Variants in FARSA observed in about 807,000 individuals in gnomAD.
The protein encoded by FARSA is phenylalanine--tRNA ligase alpha subunit.
A neutral mutation model predicts 63.2 loss-of-function variants in FARSA; 37 were observed. That is an observed-to-expected ratio of 0.59 (90% CI 0.45 to 0.77). The LOEUF (loss-of-function observed/expected upper bound fraction) is 0.77. Ranked by LOEUF, FARSA falls within the 30% of genes least tolerant of loss-of-function variation. The pLI is 0.00. For missense variants in FARSA, 618 were observed against 696.6 expected (o/e 0.89, Z 1.27); for synonymous variants, 312 against 285.1 (o/e 1.09, Z -0.95).
chr19:12,929,851 T>G (rs1030536423), intron 4 of FARSA, among the ~76,000 whole-genome samples: 1 of 152,154 alleles, frequency 6.6e-6, no homozygotes, highest in African/African-American at 2.4e-5. Flanking sequence ...TGGTGTGTGT[T>G]CATTAAACTT....
At chr19:12,930,885 A>C in intron 1 of FARSA, 136 bp from the exon 2 acceptor site, 1 of 978,982 alleles carries the variant, frequency 1.0e-6, no homozygotes. Flanking sequence ...ACAACTTTAC[A>C]GCCAAGTGGT....
rs763442425 is a variant in FARSA at position 12,930,801 on chromosome 19, G to A, written c.148-52C>T. On this transcript the variant is annotated intron_variant, in intron 1 of 12. Coordinates refer to ENST00000314606, the MANE Select transcript of FARSA (RefSeq NM_004461.3). ...CAGGCAGGGGTGAGGCTCAGAGCCA[G>A]GCACCCCCTTTCTGCAGCGCTGGGT... The A allele has an allele frequency of 3.8e-6, 6 of 1,596,768 alleles. No individual in the cohort carries two copies. In the South Asian group the frequency reaches 6.6e-5, roughly 18 times the overall value.
At chr19:12,932,509 C>A (rs1971408479) in intron 1 of FARSA, among the ~76,000 whole-genome samples, 1 of 152,154 alleles carries the variant, frequency 6.6e-6, no homozygotes, top group South Asian at 2.1e-4. Context: ...ATGGGCTCTG[C>A]AGCCTGAGTG....
intron 7 of FARSA, among the ~76,000 whole-genome samples, chr19:12,927,593 G>A (rs748072383): frequency 2.0e-5 from 3 of 151,550 alleles, no homozygotes; most frequent in Non-Finnish European, 2.9e-5. Flanking sequence ...TTAGCCGAGC[G>A]TGGTGGCGGG....
Position 12,928,870 on chromosome 19 carries a change from G to T in FARSA, c.504-23C>A, listed in dbSNP as rs1568445059. ...GTCCTGTGGCCAGGGGAAGGAAGGG[G>T]ACGCCACTGCCATCTCCTCCTAGAG... On this transcript the variant is annotated intron_variant, in intron 4 of 12. Transcript: ENST00000314606. 1.9e-6 allele frequency: 3 copies of T among 1,607,146 alleles called. No homozygotes were observed. The East Asian group carries it at 6.7e-5, about 36-fold the overall frequency.
rs780168687 is a variant in FARSA, at chr19:12,928,832, G to A, written c.519C>T (p.Tyr173=). 2.5e-6 allele frequency: 4 copies of A among 1,614,160 alleles called. No individual in the cohort carries two copies. The East Asian group carries it at 6.7e-5, about 27-fold the overall frequency. The part of the protein sequence containing the change: ...KLLAEVTLKT[Y]WVSKGSAFST... ...TAAAGGCACTGCCTTTGCTCACCCA[G>A]TAGGTCTTCAGAGTCCTGTGGCCAG... The change falls in exon 5 of 13, where the codon TAC becomes TAT. Residue 173 remains tyrosine, a synonymous_variant. Transcript: ENST00000314606.
Position 12,928,786 on chromosome 19 carries a change from C to A in FARSA, c.565G>T (p.Glu189Ter). ...ATCATCTCTGGGCTCAGCTCTGTCTCTTGCTTGGAGATGCTGGTACTAAAG... is the reference window on the plus strand; with the variant it reads ...ATCATCTCTGGGCTCAGCTCTGTCTATTGCTTGGAGATGCTGGTACTAAAG... The part of the protein sequence containing the change: ...SAFSTSISKQ[E>*]TELSPEMISS... The change falls in exon 5 of 13, where the codon GAG becomes TAG. Residue 189 changes from glutamate to a stop codon, truncating the protein, a stop_gained. Coordinates refer to ENST00000314606, the MANE Select transcript of FARSA (RefSeq NM_004461.3). LOFTEE classifies it high-confidence loss of function. 6.2e-7 allele frequency: 1 copy of A among 1,614,172 alleles called. No homozygotes were observed. Among genetic ancestry groups the A allele is most frequent in the Non-Finnish European group, 8.5e-7 (1 of 1,180,038 alleles).
In FARSA at chr19:12,930,337, T is replaced by C. The variant is rs757804010; in HGVS notation, c.389A>G (p.Asp130Gly). The C allele has an allele frequency of 1.9e-6, 3 of 1,614,098 alleles. No homozygotes were observed. Among genetic ancestry groups the C allele is most frequent in the East Asian group, 4.5e-5 (2 of 44,876 alleles). The change falls in exon 4 of 13, where the codon GAC becomes GGC. Residue 130 changes from aspartate to glycine, a missense_variant. Asp to Gly is a moderately conservative substitution (Grantham distance 94). Coordinates refer to ENST00000314606, the MANE Select transcript of FARSA (RefSeq NM_004461.3). ...CCGCTGCACCTCATCCTCCATGCTG[T>C]CCACCTGCCAGGATAAGGAGTGTGA... Reference protein sequence around the residue: ...ADGPRVFRVVDSMEDEVQRRL... With the variant: ...ADGPRVFRVVGSMEDEVQRRL...
In FARSA at chr19:12,933,563, T is replaced by C; in HGVS notation, c.134A>G (p.Gln45Arg). 6.5e-7 allele frequency: 1 copy of C among 1,545,780 alleles called. No homozygotes were observed. Among genetic ancestry groups the C allele is most frequent in the African/African-American group, 1.4e-5 (1 of 73,496 alleles). The change falls in exon 1 of 13, where the codon CAG (glutamine) becomes CGG (arginine). Residue 45 changes from glutamine (Q) to arginine (R), a missense_variant. Physicochemically the swap from Gln to Arg is conservative, Grantham distance 43 (BLOSUM62 1). Transcript: ENST00000314606. ...GGCCCGGCTCACCTCGCCCAGCGCCTGAAGGCTCTTCACGGCGCCCACCAC... is the reference window on the plus strand; with the variant it reads ...GGCCCGGCTCACCTCGCCCAGCGCCCGAAGGCTCTTCACGGCGCCCACCAC... ...QAVVGAVKSL[Q>R]ALGEVIEAEL...
In FARSA at chr19:12,930,703, G is replaced by A. The variant is rs201642345; in HGVS notation, c.194C>T (p.Ala65Val). 515 of 1,612,596 alleles carry A rather than the reference G, an allele frequency of 3.2e-4. No individual in the cohort carries two copies. The highest frequency in any genetic ancestry group is 2.1e-3 in the Middle Eastern group (13 of 6,062). ...LRSTKHWELT[A>V]EGEEIAREGS... ...CTCCCGGGCAATCTCCTCGCCCTCCGCAGTAAGCTCCCAGTGCTTGGTGGA... is the reference window on the plus strand; with the variant it reads ...CTCCCGGGCAATCTCCTCGCCCTCCACAGTAAGCTCCCAGTGCTTGGTGGA... The change falls in exon 2 of 13, where the codon GCG becomes GTG. Residue 65 changes from alanine (A) to valine (V), a missense_variant. By Grantham distance (64) the Ala-to-Val change is moderately conservative. Coordinates refer to ENST00000314606, the MANE Select transcript of FARSA (RefSeq NM_004461.3).
In FARSA at chr19:12,925,006, T is replaced by G. The variant is rs1393327888; in HGVS notation, c.927-3A>C. On this transcript the variant is annotated splice_region_variant and splice_polypyrimidine_tract_variant and intron_variant, in intron 8 of 12. Coordinates refer to ENST00000314606, the MANE Select transcript of FARSA (RefSeq NM_004461.3). The stretch of plus-strand genomic sequence containing the variant: ...CCAGCTTCCAGTTATACTTGTACCT[T>G]CAGGAGGGAAGGTGGGAAGTCCATG... The G allele has an allele frequency of 6.2e-7, 1 of 1,614,070 alleles. No individual in the cohort carries two copies. Among genetic ancestry groups the G allele is most frequent in the South Asian group, 1.1e-5 (1 of 91,086 alleles).
At position 12,925,017 on chromosome 19, in the gene FARSA, G is replaced by T; in HGVS notation, c.927-14C>A. 6.2e-7 allele frequency: 1 copy of T among 1,613,794 alleles called. No homozygotes were observed. ...TTATACTTGTACCTTCAGGAGGGAA[G>T]GTGGGAAGTCCATGCAATGGCCCAG... On this transcript the variant is annotated splice_polypyrimidine_tract_variant and intron_variant, in intron 8 of 12. Transcript: ENST00000314606.
Position 12,925,185 on chromosome 19 carries a change from CAG to C in FARSA, c.842-13_842-12del, listed in dbSNP as rs2145994727. On this transcript the variant is annotated splice_polypyrimidine_tract_variant and intron_variant, in intron 7 of 12. Coordinates refer to ENST00000314606, the MANE Select transcript of FARSA (RefSeq NM_004461.3). ...GGGCCTCCGCTGGATCTGGGCAGGA[CAG>C]AGCAACATCAGGTCAGTCAACGAGC... 1 of 1,574,160 alleles carries C rather than the reference CAG, an allele frequency of 6.4e-7. No homozygotes were observed. The highest frequency in any genetic ancestry group is 8.6e-7 in the Non-Finnish European group (1 of 1,160,286).
chr19:12,924,336 G>T lies in FARSA; in HGVS notation c.1274-71C>A. The T allele has an allele frequency of 6.5e-7, 1 of 1,541,826 alleles. No individual in the cohort carries two copies. Among genetic ancestry groups the T allele is most frequent in the Non-Finnish European group, 9.0e-7 (1 of 1,116,958 alleles). On this transcript the variant is annotated intron_variant, in intron 11 of 12. Transcript: ENST00000314606. This position sits in a 1 kb window ranked among gnomAD's most constrained non-coding sequence, Gnocchi z 6.4. ...TGGGCACTGCTGGTACAGGTTCTGG[G>T]TCTAGGTGGTGAGCTTGGGAGGTGG...
At chr19:12,933,465 G>C in intron 1 of FARSA, 85 bp downstream of exon 1, 2 of 1,466,398 alleles carry the variant, frequency 1.4e-6, no homozygotes, top group Non-Finnish European at 1.8e-6. Context: ...AGGCCTGAGG[G>C]AATTTGGCTT....
chr19:12,930,387 GTGCCCGTCCACC>G (rs1403702526), intron 3 of FARSA, 30 bp downstream of exon 3: 2 of 1,612,684 alleles, frequency 1.2e-6, no homozygotes, highest in Admixed American at 3.3e-5. Flanking sequence ...AGGGGCCCAT[GTGCCCGTCCACC>G]TGCCCCCTGA....
chr19:12,922,512 T>C lies in FARSA; in HGVS notation c.*236A>G, dbSNP rs1971274923. 2 of 545,162 alleles carry C rather than the reference T, an allele frequency of 3.7e-6. No homozygotes were observed. The highest frequency in any genetic ancestry group is 3.8e-5 in the African/African-American group (2 of 52,926). The allele number at this position is 545,162 out of a possible 1,614,324, so 33.8% of individuals were successfully genotyped here. A position where few individuals can be genotyped will look rare whatever the true frequency, so the allele number is the denominator to read the frequency against. On this transcript the variant is annotated 3_prime_UTR_variant, in exon 13 of 13. Coordinates refer to ENST00000314606, the MANE Select transcript of FARSA (RefSeq NM_004461.3). Reference sequence around the variant, plus strand: ...ACTGCCCACTTTATTAGACAATAGGTGGCCCACAGGTCTCCTCAGGGCCCA... The same window carrying C: ...ACTGCCCACTTTATTAGACAATAGGCGGCCCACAGGTCTCCTCAGGGCCCA...
chr19:12,932,070 G>A (rs952299990), intron 1 of FARSA, among the ~76,000 whole-genome samples: 4 of 133,330 alleles, frequency 3.0e-5, no homozygotes, highest in South Asian at 2.3e-4. Flanking sequence ...ACGGAGTCTC[G>A]CTCTGTCGCC....
chr19:12,930,275 G>C lies in FARSA; in HGVS notation c.451C>G (p.Leu151Val). 6.2e-7 allele frequency: 1 copy of C among 1,613,984 alleles called. No homozygotes were observed. Among genetic ancestry groups the C allele is most frequent in the Non-Finnish European group, 8.5e-7 (1 of 1,179,984 alleles). The change falls in exon 4 of 13, where the codon CTG becomes GTG. Residue 151 changes from leucine (L) to valine (V), a missense_variant. By Grantham distance (32) the Leu-to-Val change is conservative. Coordinates refer to ENST00000314606, the MANE Select transcript of FARSA (RefSeq NM_004461.3). ...QLVRGGQAEKLGEKERSELRK... is the reference protein window; with the variant it reads ...QLVRGGQAEKVGEKERSELRK... The stretch of plus-strand genomic sequence containing the variant: ...AGCTCGCTCCTCTCCTTCTCCCCCA[G>C]CTTCTCAGCCTGTCCCCCCCGGACC...
Sources: allele counts gnomAD v4.1 joint callset (sites outside exome capture counted in the v4.1 genomes callset), GRCh38; gene constraint gnomAD v4.1.1; non-coding constraint Gnocchi (gnomAD v3.1); transcripts MANE v1.5; gene names NCBI Gene and HGNC (gene_info 2026-07-23, HGNC 2026-07-21).